The following SEMA3C variants were observed in gnomAD, a reference collection of about 807,000 sequenced individuals.
The protein encoded by SEMA3C is semaphorin-3C.
A neutral mutation model predicts 89.4 loss-of-function variants in SEMA3C; 47 were observed. The ratio of observed to expected loss-of-function variants is 0.53; its 90% CI spans 0.42 to 0.67. The LOEUF is 0.67. Among genes scored for constraint, SEMA3C ranks in the 30% least tolerant of loss-of-function variants. The probability of loss-of-function intolerance (pLI) is 0.00; values close to 1 mark genes in which losing one functional copy is unlikely to be tolerated. For synonymous variants in SEMA3C, 310 were observed against 320.2 expected, an observed-to-expected ratio of 0.97 and a Z score of 0.34; for missense variants, 839 against 929.1, an observed-to-expected ratio of 0.90 and a Z score of 1.26.
intron 2 of SEMA3C, among the ~76,000 whole-genome samples, chr7:80,903,928 C>T (rs1488541178): frequency 2.6e-5 from 4 of 152,254 alleles, no homozygotes; most frequent in Admixed American, 2.6e-4. Flanking sequence ...ACTATAGCTT[C>T]TTCATCTTTT....
chr7:80,894,994 T>G (rs1181820770), intron 2 of SEMA3C, among the ~76,000 whole-genome samples: 2 of 152,206 alleles, frequency 1.3e-5, no homozygotes, highest in African/African-American at 2.4e-5. Flanking sequence ...TCTTTTAAAC[T>G]GTGAGAAATA....
chr7:80,875,186 C>CT (rs1468476784), intron 2 of SEMA3C, among the ~76,000 whole-genome samples: 3 of 151,796 alleles, frequency 2.0e-5, no homozygotes. Flanking sequence ...GTGTTCAAGT[C>CT]TTTTTAACTG....
intron 2 of SEMA3C, among the ~76,000 whole-genome samples, chr7:80,839,295 G>A (rs1052395493): frequency 6.6e-6 from 1 of 152,140 alleles, no homozygotes; most frequent in African/African-American, 2.4e-5. Flanking sequence ...ACTTGTAGAG[G>A]AGGAAACACT....
chr7:80,789,192 C>G (rs1788874094), intron 12 of SEMA3C, 114 bp downstream of exon 12: 1 of 788,510 alleles, frequency 1.3e-6, no homozygotes, highest in Admixed American at 2.5e-5. Flanking sequence ...AAGGGCTAGA[C>G]AGACGTAATT....
chr7:80,913,710 A>C (rs1056110322), intron 2 of SEMA3C, among the ~76,000 whole-genome samples: 6 of 152,236 alleles, frequency 3.9e-5, no homozygotes, highest in African/African-American at 7.2e-5. Flanking sequence ...AAGTAGCACA[A>C]ATGTAACTAA....
At chr7:80,807,511 A>G (rs960571543) in intron 6 of SEMA3C, among the ~76,000 whole-genome samples, 1 of 152,204 alleles carries the variant, frequency 6.6e-6, no homozygotes, top group Non-Finnish European at 1.5e-5. Flanking sequence ...CACTTTGGTA[A>G]CAATCTTGAG....
upstream of SEMA3C, chr7:80,919,082 G>C: frequency 1.0e-6 from 1 of 985,246 alleles, no homozygotes; most frequent in Non-Finnish European, 1.2e-6. Context: ...CCGGGGGCGA[G>C]CGCTCTTGGT....
intron 12 of SEMA3C, among the ~76,000 whole-genome samples, chr7:80,768,068 T>C (rs150161070): frequency 6.6e-6 from 1 of 152,340 alleles, no homozygotes; most frequent in East Asian, 1.9e-4. Flanking sequence ...AAGCACATAA[T>C]CTTAGAAGTT....
chr7:80,860,471 A>T (rs1031212870), intron 2 of SEMA3C, among the ~76,000 whole-genome samples: 6 of 152,154 alleles, frequency 3.9e-5, no homozygotes, highest in African/African-American at 1.4e-4. Context: ...ACCCCTTAAA[A>T]CACAGCGGCA....
intron 16 of SEMA3C, among the ~76,000 whole-genome samples, chr7:80,750,875 T>A (rs1043302278): frequency 4.4e-4 from 67 of 152,120 alleles, no homozygotes; most frequent in African/African-American, 1.6e-3. Context: ...AACTTTAAAA[T>A]GGTTAAAATA....
At chr7:80,762,103 A>AG (rs1788198343) in intron 13 of SEMA3C, among the ~76,000 whole-genome samples, 1 of 151,574 alleles carries the variant, frequency 6.6e-6, no homozygotes, top group Admixed American at 6.6e-5. Context: ...AAAAAAAAAA[A>AG]AAAAAAAAAA....
At chr7:80,917,728 C>T (rs757797916) in intron 1 of SEMA3C, among the ~76,000 whole-genome samples, 43 of 152,218 alleles carry the variant, frequency 2.8e-4, no homozygotes, top group Non-Finnish European at 4.7e-4. Flanking sequence ...GAAACACAAT[C>T]ATTTTGCTTC....
intron 2 of SEMA3C, among the ~76,000 whole-genome samples, chr7:80,892,927 G>A (rs986464900): frequency 6.6e-6 from 1 of 152,022 alleles, no homozygotes; most frequent in Non-Finnish European, 1.5e-5. Context: ...CAGGGTATTG[G>A]TTATTCTTAT....
intron 2 of SEMA3C, among the ~76,000 whole-genome samples, chr7:80,843,832 A>C (rs1178865120): frequency 6.6e-6 from 1 of 152,192 alleles, no homozygotes; most frequent in East Asian, 1.9e-4. Flanking sequence ...TTTTTATTAC[A>C]ACACAAAAGT....
chr7:80,785,487 A>C (rs2117100544), intron 12 of SEMA3C, among the ~76,000 whole-genome samples: 1 of 152,312 alleles, frequency 6.6e-6, no homozygotes, highest in South Asian at 2.1e-4. Flanking sequence ...GGGACCTGGA[A>C]ACACCCAAGA....
chr7:80,896,417 G>C (rs1331479324), intron 2 of SEMA3C, among the ~76,000 whole-genome samples: 2 of 152,100 alleles, frequency 1.3e-5, no homozygotes, highest in Non-Finnish European at 2.9e-5. Context: ...ATTTAGCTAA[G>C]CCTTAGTCAT....
intron 12 of SEMA3C, 82 bp from the exon 13 acceptor site, chr7:80,765,325 C>A: frequency 1.1e-6 from 1 of 942,834 alleles, no homozygotes; most frequent in South Asian, 1.5e-5. Flanking sequence ...TGACTTGGAC[C>A]ATTATTTACA....
chr7:80,878,620 T>C (rs1791255437), intron 2 of SEMA3C, among the ~76,000 whole-genome samples: 1 of 152,080 alleles, frequency 6.6e-6, no homozygotes, highest in Non-Finnish European at 1.5e-5. Flanking sequence ...GGATCCAAGT[T>C]AGATATCTTA....
chr7:80,818,547 C>T (rs1789666772), intron 4 of SEMA3C, 129 bp from the exon 5 acceptor site: 1 of 969,140 alleles, frequency 1.0e-6, no homozygotes, highest in Non-Finnish European at 1.5e-6. Flanking sequence ...TGTATTAGTC[C>T]AGGGGCGTCC....
Sources: gnomAD v4.1 joint callset for allele counts (sites outside exome capture counted in the v4.1 genomes callset) on GRCh38, gnomAD v4.1.1 for gene constraint, MANE v1.5 for transcripts, NCBI Gene and HGNC (gene_info 2026-07-23, HGNC 2026-07-21) for gene names.